CECR2: variants seen among roughly 807,000 people sequenced by gnomAD.
CECR2 encodes the protein CECR2 histone acetyl-lysine reader, also known as chromatin remodeling regulator CECR2.
In CECR2, 30 loss-of-function variants were observed where a neutral mutation model predicts 154.5. The ratio of observed to expected loss-of-function variants is 0.19; its 90% CI spans 0.15 to 0.26. The LOEUF is 0.26. CECR2 is among the 10% of genes least tolerant of loss of function. CECR2 has a pLI of 1.00. For synonymous variants in CECR2, 725 were observed against 683.7 expected (o/e 1.06, Z -0.94); for missense variants, 1,743 against 1,829.3 (o/e 0.95, Z 0.86).
At chr22:17,382,812 G>A (rs2063214128) in intron 1 of CECR2, among the ~76,000 whole-genome samples, 1 of 152,034 alleles carries the variant, frequency 6.6e-6, no homozygotes, top group South Asian at 2.1e-4. Flanking sequence ...GGCTGAGATG[G>A]GAGGATCGCT....
rs533219201 is a variant in CECR2, at chr22:17,538,937, A to G, written c.1369-56A>G. ...ATTATCTCTCTGTCTCTCTCTCTCTATGGAATGTTTGCTCTCAGCATATTT... is the reference window on the plus strand; with the variant it reads ...ATTATCTCTCTGTCTCTCTCTCTCTGTGGAATGTTTGCTCTCAGCATATTT... On this transcript the variant is annotated intron_variant, in intron 12 of 18. Coordinates refer to ENST00000262608, the MANE Select transcript of CECR2 (RefSeq NM_001290047.2). 2.2e-4 allele frequency: 345 copies of G among 1,572,172 alleles called. 2 individuals are homozygous for G. In the South Asian group the frequency reaches 3.6e-3, roughly 17 times the overall value.
chr22:17,537,078 C>T (rs757186836), intron 9 of CECR2, 25 bp from the exon 10 acceptor site: 27 of 1,612,586 alleles, frequency 1.7e-5, no homozygotes, highest in Middle Eastern at 1.7e-4. Flanking sequence ...GTGCTTAGCT[C>T]ACTCAGCCTT....
chr22:17,489,576 C>T (rs776160032), intron 2 of CECR2, among the ~76,000 whole-genome samples: 10 of 152,204 alleles, frequency 6.6e-5, no homozygotes, highest in Non-Finnish European at 7.3e-5. Context: ...CGGCTTCAGC[C>T]TCCTGAGTAG....
At chr22:17,420,030 A>T (rs2054221315) in intron 1 of CECR2, among the ~76,000 whole-genome samples, 1 of 152,226 alleles carries the variant, frequency 6.6e-6, no homozygotes, top group Admixed American at 6.5e-5. Flanking sequence ...AGAGGGGAGG[A>T]TAAAAAGAAA....
intron 1 of CECR2, among the ~76,000 whole-genome samples, chr22:17,451,049 T>A (rs1186674125): frequency 6.6e-6 from 1 of 152,230 alleles, no homozygotes; most frequent in Non-Finnish European, 1.5e-5. Flanking sequence ...CCACTCCGTG[T>A]CAAAGAGGAC....
At chr22:17,530,865 T>C (rs2056343759) in intron 9 of CECR2, among the ~76,000 whole-genome samples, 1 of 152,136 alleles carries the variant, frequency 6.6e-6, no homozygotes, top group South Asian at 2.1e-4. Context: ...CGAAGTGATA[T>C]CAGCAGGACA....
chr22:17,538,389 G>A (rs2056469498), intron 10 of CECR2, 131 bp from the exon 11 acceptor site: 1 of 788,120 alleles, frequency 1.3e-6, no homozygotes, highest in Non-Finnish European at 2.2e-6. Flanking sequence ...AGTGTCACAG[G>A]CTCATCTAAA....
intron 1 of CECR2, among the ~76,000 whole-genome samples, chr22:17,362,686 G>C (rs1016163505): frequency 6.6e-6 from 1 of 151,856 alleles, no homozygotes; most frequent in African/African-American, 2.4e-5. Flanking sequence ...GGTGGATCAT[G>C]AGTTCAGGAG....
chr22:17,396,385 G>A (rs1414205393), intron 1 of CECR2, among the ~76,000 whole-genome samples: 8 of 152,004 alleles, frequency 5.3e-5, no homozygotes, highest in African/African-American at 1.7e-4. Context: ...TCTCTACTAC[G>A]AAATACAAAA....
chr22:17,498,391 T>A (rs201394239), intron 3 of CECR2, among the ~76,000 whole-genome samples: 3 of 145,724 alleles, frequency 2.1e-5, no homozygotes, highest in African/African-American at 2.5e-5. Flanking sequence ...ACTCCGTCTT[T>A]AAAAAAAAAA....
Position 17,548,752 on chromosome 22 carries a change from C to A in CECR2, c.3465C>A (p.Pro1155=). 1 of 1,613,788 alleles carries A rather than the reference C, an allele frequency of 6.2e-7. No individual in the cohort carries two copies. Among genetic ancestry groups the A allele is most frequent in the Non-Finnish European group, 8.5e-7 (1 of 1,179,838 alleles). Residue 1155 remains proline (P), a synonymous_variant, in exon 17 of 19, where the codon CCC becomes CCA. Transcript: ENST00000262608. ...GAGGGAAGTCCCCAGCATCCCATCC[C>A]CAGCATTTTCCCCCAAGGGGCTTTC... ...VMGGKSPASH[P]QHFPPRGFQS...
intron 5 of CECR2, among the ~76,000 whole-genome samples, chr22:17,502,050 A>T (rs2146886909): frequency 6.6e-6 from 1 of 152,342 alleles, no homozygotes; most frequent in East Asian, 1.9e-4. Context: ...AGAAACTTTA[A>T]TCGAAAACAA....
At chr22:17,510,008 A>G (rs1278585515) in intron 7 of CECR2, among the ~76,000 whole-genome samples, 2 of 152,198 alleles carry the variant, frequency 1.3e-5, no homozygotes. Flanking sequence ...ATAAAAGGCG[A>G]TGTAGATACT....
Position 17,411,521 on chromosome 22 carries a change from G to A in CECR2, c.126+41612G>A, listed in dbSNP as rs151024721. ...CTGAAAGTAATTATCGGGCTGGGTC[G>A]GATAGATTTGGCAATGTTAGATATA... On this transcript the variant is annotated intron_variant, in intron 1 of 18. Transcript: ENST00000262608. Among the ~76,000 whole-genome samples the A allele has an allele frequency of 8.6e-3, 1,307 of 152,218 alleles. 6 individuals are homozygous for A. Among genetic ancestry groups the A allele is most frequent in the Non-Finnish European group, 0.015 (1,015 of 68,014 alleles).
chr22:17,490,933 A>G (rs2055518245), intron 2 of CECR2, among the ~76,000 whole-genome samples: 2 of 152,114 alleles, frequency 1.3e-5, no homozygotes, highest in African/African-American at 4.8e-5. Flanking sequence ...CTGTCTCCAC[A>G]GGTTTGAGTG....
At chr22:17,428,834 A>G (rs2054374835) in intron 1 of CECR2, among the ~76,000 whole-genome samples, 1 of 67,328 alleles carries the variant, frequency 1.5e-5, no homozygotes, top group Non-Finnish European at 2.7e-5. Flanking sequence ...GTGTATATAA[A>G]GGCAGCAGAG....
intron 5 of CECR2, 98 bp from the exon 6 acceptor site, chr22:17,502,984 T>G: frequency 9.7e-7 from 1 of 1,036,044 alleles, no homozygotes; most frequent in Non-Finnish European, 1.5e-6. Flanking sequence ...ATACACTCTC[T>G]TTGTGTTAAA....
At chr22:17,432,281 T>A (rs2054437184) in intron 1 of CECR2, among the ~76,000 whole-genome samples, 2 of 152,260 alleles carry the variant, frequency 1.3e-5, no homozygotes, top group Non-Finnish European at 2.9e-5. Context: ...TATGGTTTAT[T>A]TATGTTGTGG....
chr22:17,548,510 G>A lies in CECR2; in HGVS notation c.3223G>A (p.Gly1075Ser). The change falls in exon 17 of 19, where the codon GGT becomes AGT. Residue 1075 changes from glycine to serine, a missense_variant. Gly to Ser is a moderately conservative substitution (Grantham distance 56). Transcript: ENST00000262608. ...GSEGKGLGSS[G>S]SEKLLCPRGR... is the part of the protein sequence containing the mutation. ...GGAGGGGAAGGGCCTTGGTAGCAGTGGTTCCGAAAAGCTGCTCTGCCCCAG... is the reference window on the plus strand; with the variant it reads ...GGAGGGGAAGGGCCTTGGTAGCAGTAGTTCCGAAAAGCTGCTCTGCCCCAG... The A allele has an allele frequency of 6.2e-7, 1 of 1,613,850 alleles. No homozygotes were observed. Among genetic ancestry groups the A allele is most frequent in the Non-Finnish European group, 8.5e-7 (1 of 1,179,860 alleles).
Sources: allele counts gnomAD v4.1 joint callset (sites outside exome capture counted in the v4.1 genomes callset), GRCh38; gene constraint gnomAD v4.1.1; transcripts MANE v1.5; gene names NCBI Gene and HGNC (gene_info 2026-07-23, HGNC 2026-07-21).